Variants in IMMP2L observed in about 807,000 individuals in gnomAD.
IMMP2L encodes the protein mitochondrial inner membrane protease subunit 2.
IMMP2L carries 18 observed loss-of-function variants against 19.3 expected under a neutral mutation model. The observed-to-expected ratio is 0.93, with a 90% CI of 0.64 to 1.38. IMMP2L has a LOEUF of 1.38. Ranked by LOEUF, IMMP2L falls within the 40% of genes most tolerant of loss-of-function variation. The pLI is 0.00. For missense variants in IMMP2L, 233 were observed against 218.2 expected (o/e 1.07, Z -0.43); for synonymous variants, 76 against 73.0 (o/e 1.04, Z -0.21).
At chr7:110,876,624 A>T (rs1809094725) in intron 5 of IMMP2L, among the ~76,000 whole-genome samples, 2 of 152,150 alleles carry the variant, frequency 1.3e-5, no homozygotes, top group Non-Finnish European at 2.9e-5. Flanking sequence ...AATCTAACAG[A>T]CATCAAACCA....
At chr7:110,784,288 C>T (rs1584816630) in intron 5 of IMMP2L, among the ~76,000 whole-genome samples, 1 of 151,934 alleles carries the variant, frequency 6.6e-6, no homozygotes, top group Non-Finnish European at 1.5e-5. Flanking sequence ...AAACTCATGA[C>T]AAGTTTTTGC....
chr7:110,891,399 A>G (rs954982023), intron 4 of IMMP2L, among the ~76,000 whole-genome samples: 3 of 152,224 alleles, frequency 2.0e-5, no homozygotes, highest in Admixed American at 6.5e-5. Flanking sequence ...GTAGTCTGAC[A>G]AAGTTAAGAA....
intron 3 of IMMP2L, among the ~76,000 whole-genome samples, chr7:111,461,013 T>C (rs79805746): frequency 2.0e-5 from 3 of 151,716 alleles, no homozygotes; most frequent in Non-Finnish European, 4.4e-5. Context: ...ATAATCTTTT[T>C]CCATGTTACC....
At chr7:111,487,059 C>T (rs538882706) in intron 3 of IMMP2L, among the ~76,000 whole-genome samples, 179 bp downstream of exon 3, 1 of 152,026 alleles carries the variant, frequency 6.6e-6, no homozygotes, top group African/African-American at 2.4e-5. Context: ...ATTTTAAATG[C>T]AAAAAATTCT....
chr7:111,314,184 G>A (rs1160346307), intron 3 of IMMP2L, among the ~76,000 whole-genome samples: 1 of 152,120 alleles, frequency 6.6e-6, no homozygotes, highest in Non-Finnish European at 1.5e-5. Flanking sequence ...TGTGAGAATA[G>A]CCTAATACAG....
At chr7:110,935,508 G>A (rs895710027) in intron 4 of IMMP2L, among the ~76,000 whole-genome samples, 7 of 152,114 alleles carry the variant, frequency 4.6e-5, no homozygotes, top group Admixed American at 3.9e-4. Context: ...TATCTTTGTG[G>A]TGTTCTCTGT....
At chr7:111,321,988 T>G (rs942358146) in intron 3 of IMMP2L, among the ~76,000 whole-genome samples, 2 of 151,968 alleles carry the variant, frequency 1.3e-5, no homozygotes, top group African/African-American at 4.8e-5. Flanking sequence ...TCAAATTATG[T>G]TAAAGCCCAT....
intron 5 of IMMP2L, among the ~76,000 whole-genome samples, chr7:110,821,511 T>C (rs1191083430): frequency 6.6e-6 from 1 of 152,070 alleles, no homozygotes; most frequent in East Asian, 1.9e-4. Flanking sequence ...CTGAAGGATG[T>C]TGGGTAGTTT....
chr7:110,843,539 G>A (rs113742264), intron 5 of IMMP2L, among the ~76,000 whole-genome samples: 2,802 of 152,224 alleles, frequency 0.018, 31 homozygotes, highest in Middle Eastern at 0.048. Context: ...ATATTATTGG[G>A]TAAATATGTC....
At chr7:111,465,830 T>C (rs533114559) in intron 3 of IMMP2L, among the ~76,000 whole-genome samples, 2 of 152,158 alleles carry the variant, frequency 1.3e-5, no homozygotes, top group African/African-American at 4.8e-5. Context: ...ACTGGGTATA[T>C]ACCCAAAGGA....
intron 5 of IMMP2L, among the ~76,000 whole-genome samples, chr7:110,856,667 C>T (rs894897969): frequency 6.6e-6 from 1 of 152,062 alleles, no homozygotes; most frequent in Non-Finnish European, 1.5e-5. Context: ...AGAATATCCA[C>T]TTTATCTTTC....
At chr7:110,743,925 T>A (rs1319344995) in intron 5 of IMMP2L, among the ~76,000 whole-genome samples, 1 of 151,812 alleles carries the variant, frequency 6.6e-6, no homozygotes, top group Non-Finnish European at 1.5e-5. Flanking sequence ...TCACTCCCCC[T>A]GCAAAGGGGG....
intron 3 of IMMP2L, among the ~76,000 whole-genome samples, chr7:111,344,880 G>A (rs964556177): frequency 7.2e-5 from 11 of 152,146 alleles, no homozygotes; most frequent in African/African-American, 2.4e-4. Flanking sequence ...AGAACAAGTC[G>A]ACAAAGTTCT....
chr7:110,858,913 T>A (rs2129542499), intron 5 of IMMP2L, among the ~76,000 whole-genome samples: 1 of 152,218 alleles, frequency 6.6e-6, no homozygotes, highest in African/African-American at 2.4e-5. Flanking sequence ...TTCATCCATG[T>A]CCCTACAAAG....
chr7:110,938,626 T>G (rs1816371494), intron 4 of IMMP2L, among the ~76,000 whole-genome samples: 1 of 152,134 alleles, frequency 6.6e-6, no homozygotes, highest in African/African-American at 2.4e-5. Context: ...TAACTGATCT[T>G]GTGCACAATA....
intron 5 of IMMP2L, among the ~76,000 whole-genome samples, chr7:110,694,411 C>T (rs943860227): frequency 6.7e-6 from 1 of 150,004 alleles, no homozygotes; most frequent in African/African-American, 2.4e-5. Flanking sequence ...GAACAATATA[C>T]ATGATACAGA....
At chr7:110,896,020 C>T (rs1174137548) in intron 4 of IMMP2L, among the ~76,000 whole-genome samples, 1 of 152,064 alleles carries the variant, frequency 6.6e-6, no homozygotes, top group Non-Finnish European at 1.5e-5. Context: ...TGGTGTCTTG[C>T]TATGTTGCCC....
At chr7:111,420,523 A>G (rs1011940541) in intron 3 of IMMP2L, among the ~76,000 whole-genome samples, 1 of 151,532 alleles carries the variant, frequency 6.6e-6, no homozygotes, top group African/African-American at 2.4e-5. Context: ...CATCTTTTAC[A>G]TTAGGTATTT....
chr7:111,126,303 C>CCA (rs1359524141), intron 3 of IMMP2L, among the ~76,000 whole-genome samples: 1 of 152,100 alleles, frequency 6.6e-6, no homozygotes, highest in African/African-American at 2.4e-5. Context: ...CAGTCCAACA[C>CCA]TAAGATTTTA....
Sources: allele counts gnomAD v4.1 joint callset (sites outside exome capture counted in the v4.1 genomes callset), GRCh38; gene constraint gnomAD v4.1.1; transcripts MANE v1.5; gene names NCBI Gene and HGNC (gene_info 2026-07-23, HGNC 2026-07-21).